Variants in LTBP1 observed in about 807,000 individuals in gnomAD.
The protein encoded by LTBP1 is latent transforming growth factor beta binding protein 1.
A neutral mutation model predicts 207.6 loss-of-function variants in LTBP1; 129 were observed. The observed-to-expected ratio is 0.62, with a 90% CI of 0.54 to 0.72. The LOEUF (loss-of-function observed/expected upper bound fraction) is 0.72, where lower values mean the gene tolerates loss of function less well. LTBP1 is among the 30% of genes least tolerant of loss of function. LTBP1 has a pLI of 0.00. For synonymous variants in LTBP1, 963 were observed against 833.7 expected, an observed-to-expected ratio of 1.16 and a Z score of -2.67; for missense variants, 2,281 against 2,217.2, an observed-to-expected ratio of 1.03 and a Z score of -0.58.
chr2:32,984,999 CAT>C (rs1391502972), intron 2 of LTBP1, among the ~76,000 whole-genome samples: 1 of 152,072 alleles, frequency 6.6e-6, no homozygotes, highest in East Asian at 1.9e-4. Context: ...GGCTTGATAA[CAT>C]GTAAGACAAA....
intron 15 of LTBP1, among the ~76,000 whole-genome samples, chr2:33,270,122 C>G (rs1173359085): frequency 1.3e-5 from 2 of 151,826 alleles, no homozygotes; most frequent in East Asian, 3.9e-4. Context: ...TTCACCATGT[C>G]CTGGCTGGCC....
chr2:32,965,486 C>G (rs1218225784), intron 2 of LTBP1, among the ~76,000 whole-genome samples: 1 of 152,210 alleles, frequency 6.6e-6, no homozygotes, highest in African/African-American at 2.4e-5. Context: ...ACTCATCCCT[C>G]CTTCCTGTCT....
At chr2:33,355,957 C>T (rs1162488131) in intron 26 of LTBP1, among the ~76,000 whole-genome samples, 1 of 151,156 alleles carries the variant, frequency 6.6e-6, no homozygotes, top group Non-Finnish European at 1.5e-5. Flanking sequence ...CTAAACTTCA[C>T]TTTGACTGCT....
intron 2 of LTBP1, among the ~76,000 whole-genome samples, chr2:32,987,980 A>G (rs1683855237): frequency 6.6e-6 from 1 of 152,198 alleles, no homozygotes; most frequent in South Asian, 2.1e-4. Context: ...AGAGATAGAG[A>G]TTTGATGTAC....
At chr2:33,084,064 A>G (rs1257042895) in intron 3 of LTBP1, among the ~76,000 whole-genome samples, 2 of 152,190 alleles carry the variant, frequency 1.3e-5, no homozygotes, top group African/African-American at 2.4e-5. Context: ...ATGTCTGGAA[A>G]TACTTTCCCA....
At chr2:33,154,946 C>A (rs2083845582) in intron 5 of LTBP1, among the ~76,000 whole-genome samples, 1 of 151,944 alleles carries the variant, frequency 6.6e-6, no homozygotes. Context: ...GCCTGTAAGT[C>A]CAGCGACTTG....
intron 25 of LTBP1, among the ~76,000 whole-genome samples, 154 bp from the exon 26 acceptor site, chr2:33,347,213 G>A (rs1416184213): frequency 6.7e-6 from 1 of 149,626 alleles, no homozygotes; most frequent in Non-Finnish European, 1.5e-5. Flanking sequence ...CTACCTTAAA[G>A]AGCCCCTTCC....
chr2:32,968,078 G>A (rs930519332), intron 2 of LTBP1, among the ~76,000 whole-genome samples: 2 of 152,002 alleles, frequency 1.3e-5, no homozygotes. Flanking sequence ...GGTGATTCTT[G>A]TGCCTCAGCC....
rs903206500 is a variant in LTBP1 at position 33,124,423 on chromosome 2, T to G, written c.1034-10370T>G. 2.6e-5 allele frequency among the ~76,000 whole-genome samples: 4 copies of G among 151,708 alleles called. No individual in the cohort carries two copies. The East Asian group carries it at 7.7e-4, about 29-fold the overall frequency. ...AGACTCCGTCTCAAAAAAAAAAAAA[T>G]TATTCAAATGCAGAGTAAACCTTTC... is the stretch of plus-strand genomic sequence containing the variant. On this transcript the variant is annotated intron_variant, in intron 4 of 33. Transcript: ENST00000404816.
At chr2:33,344,616 CAAGCT>C (rs2094676984) in intron 25 of LTBP1, among the ~76,000 whole-genome samples, 1 of 152,212 alleles carries the variant, frequency 6.6e-6, no homozygotes, top group South Asian at 2.1e-4. Context: ...TCCTCACTCT[CAAGCT>C]GAGCTGTGAC....
At chr2:33,108,556 G>C (rs1272553268) in intron 3 of LTBP1, among the ~76,000 whole-genome samples, 1 of 151,978 alleles carries the variant, frequency 6.6e-6, no homozygotes, top group African/African-American at 2.4e-5. Context: ...AATTCAGAGG[G>C]GGGACAAGAG....
At chr2:33,124,719 A>G (rs1190915339) in intron 4 of LTBP1, among the ~76,000 whole-genome samples, 3 of 152,388 alleles carry the variant, frequency 2.0e-5, no homozygotes, top group South Asian at 4.1e-4. Context: ...CAGTTGCTCC[A>G]GTTAAAACTG....
chr2:33,229,179 A>G (rs533699550), intron 9 of LTBP1, among the ~76,000 whole-genome samples: 105 of 152,282 alleles, frequency 6.9e-4, no homozygotes, highest in African/African-American at 2.5e-3. Flanking sequence ...TTAAAAAGTG[A>G]TGGTTATCAG....
chr2:33,277,767 T>TTCTG (rs1491188902), intron 18 of LTBP1, among the ~76,000 whole-genome samples: 1 of 32,754 alleles, frequency 3.1e-5, no homozygotes, highest in Admixed American at 2.6e-4. Context: ...TTCCCTTTCT[T>TTCTG]TCTTTCTTTC....
intron 2 of LTBP1, among the ~76,000 whole-genome samples, chr2:32,978,726 C>T (rs115698069): frequency 6.0e-4 from 86 of 143,516 alleles, no homozygotes; most frequent in African/African-American, 1.9e-3. Context: ...CTTCATAGAA[C>T]GAGTTTTAGA....
At chr2:33,334,326 A>G (rs1348361525) in intron 24 of LTBP1, among the ~76,000 whole-genome samples, 2 of 152,274 alleles carry the variant, frequency 1.3e-5, no homozygotes, top group South Asian at 2.1e-4. Flanking sequence ...GCCATTACCC[A>G]TGGAAGAAAA....
intron 2 of LTBP1, among the ~76,000 whole-genome samples, chr2:32,967,364 A>G (rs78943005): frequency 0.05 from 7,583 of 151,922 alleles, 489 homozygotes; most frequent in East Asian, 0.24. Flanking sequence ...CTTACTTTGG[A>G]TTTAATTTGC....
At chr2:33,047,127 A>G (rs1380891586) in intron 3 of LTBP1, among the ~76,000 whole-genome samples, 1 of 151,802 alleles carries the variant, frequency 6.6e-6, no homozygotes, top group African/African-American at 2.4e-5. Flanking sequence ...TTCTGCTCTG[A>G]TCTTAAGTTA....
chr2:33,019,755 G>A (rs1390619142), intron 2 of LTBP1, among the ~76,000 whole-genome samples: 1 of 152,026 alleles, frequency 6.6e-6, no homozygotes, highest in East Asian at 1.9e-4. Context: ...GTTACATTCT[G>A]TTGCTTAGGC....
Sources: gnomAD v4.1 joint callset for allele counts (sites outside exome capture counted in the v4.1 genomes callset) on GRCh38, gnomAD v4.1.1 for gene constraint, MANE v1.5 for transcripts, NCBI Gene and HGNC (gene_info 2026-07-23, HGNC 2026-07-21) for gene names.